Variants in ARID5B observed in about 807,000 individuals in gnomAD.
ARID5B encodes the protein AT-rich interactive domain-containing protein 5B.
ARID5B carries 13 observed loss-of-function variants against 97.2 expected under a neutral mutation model. That is an observed-to-expected ratio of 0.13 (90% confidence interval 0.09 to 0.21). ARID5B has a LOEUF of 0.21. ARID5B is among the 10% of genes least tolerant of loss of function. The pLI is 1.00. For missense variants in ARID5B, 1,210 were observed against 1,465.3 expected, an observed-to-expected ratio of 0.83 and a Z score of 2.84; for synonymous variants, 556 against 570.3, an observed-to-expected ratio of 0.97 and a Z score of 0.36.
intron 5 of ARID5B, among the ~76,000 whole-genome samples, chr10:62,055,497 G>T (rs913687408): frequency 6.6e-6 from 1 of 152,168 alleles, no homozygotes; most frequent in African/African-American, 2.4e-5. Context: ...AAACTGGAGT[G>T]ATGTTATGAT....
intron 2 of ARID5B, among the ~76,000 whole-genome samples, chr10:61,932,171 C>A (rs1589224113): frequency 1.3e-5 from 2 of 152,238 alleles, no homozygotes; most frequent in African/African-American, 4.8e-5. Flanking sequence ...TACATTTACA[C>A]CATACTGTAG....
At chr10:62,027,732 C>T (rs916608902) in intron 4 of ARID5B, among the ~76,000 whole-genome samples, 41 of 152,198 alleles carry the variant, frequency 2.7e-4, no homozygotes, top group African/African-American at 9.6e-4. Context: ...CTGTGTATGT[C>T]CTTCCCAGAA....
intron 3 of ARID5B, among the ~76,000 whole-genome samples, chr10:61,962,936 T>C (rs1447817815): frequency 6.6e-6 from 1 of 152,214 alleles, no homozygotes; most frequent in Non-Finnish European, 1.5e-5. Flanking sequence ...TGCAGTGGTT[T>C]TTAATGTTAG....
chr10:62,049,777 T>G (rs1839761185), intron 4 of ARID5B, among the ~76,000 whole-genome samples: 1 of 152,174 alleles, frequency 6.6e-6, no homozygotes, highest in African/African-American at 2.4e-5. Context: ...AGTGTAAAAA[T>G]GTCCTAAAAC....
intron 3 of ARID5B, among the ~76,000 whole-genome samples, chr10:61,982,597 A>G (rs1838791592): frequency 6.6e-6 from 1 of 152,222 alleles, no homozygotes; most frequent in African/African-American, 2.4e-5. Context: ...TGAGGGAATA[A>G]CTCATTGACA....
chr10:61,939,732 A>T (rs1844365670), intron 2 of ARID5B, among the ~76,000 whole-genome samples: 2 of 152,160 alleles, frequency 1.3e-5, no homozygotes, highest in African/African-American at 4.8e-5. Context: ...TAAACATAGG[A>T]ATTTGGGGGT....
intron 2 of ARID5B, among the ~76,000 whole-genome samples, chr10:61,919,267 C>A (rs145405177): frequency 0.017 from 2,582 of 152,072 alleles, 72 homozygotes; most frequent in African/African-American, 0.059. Flanking sequence ...TTAAATATAC[C>A]CACTATTCCT....
intron 9 of ARID5B, among the ~76,000 whole-genome samples, chr10:62,086,397 G>A (rs7914112): frequency 0.81 from 122,411 of 152,010 alleles, 49,913 homozygotes; most frequent in Middle Eastern, 0.93. Flanking sequence ...CAAGAAGAGC[G>A]TGGGCAACAT....
At chr10:61,924,002 C>T (rs1844060308) in intron 2 of ARID5B, among the ~76,000 whole-genome samples, 1 of 152,244 alleles carries the variant, frequency 6.6e-6, no homozygotes, top group Admixed American at 6.5e-5. Flanking sequence ...GAGATGACTC[C>T]TCCTGGATTC....
chr10:62,032,457 G>T (rs566492927), intron 4 of ARID5B, among the ~76,000 whole-genome samples: 1 of 152,300 alleles, frequency 6.6e-6, no homozygotes, highest in South Asian at 2.1e-4. Flanking sequence ...GGTGAGTCAC[G>T]CCTGTAATCC....
At chr10:61,927,791 TC>T (rs1260058456) in intron 2 of ARID5B, among the ~76,000 whole-genome samples, 2 of 152,232 alleles carry the variant, frequency 1.3e-5, no homozygotes, top group African/African-American at 4.8e-5. Context: ...TCTTTTGATA[TC>T]ATCATTTCAG....
chr10:61,989,284 G>C (rs923809603), intron 3 of ARID5B, among the ~76,000 whole-genome samples: 5 of 152,244 alleles, frequency 3.3e-5, no homozygotes, highest in Non-Finnish European at 7.4e-5. Context: ...TACTGGGTTA[G>C]ATAAAATAGC....
At chr10:62,046,724 C>T (rs768078308) in intron 4 of ARID5B, 2 of 151,964 alleles carry the variant, frequency 1.3e-5, no homozygotes, top group African/African-American at 2.4e-5. Flanking sequence ...ACTGATTAGG[C>T]AGAAGAGTCA....
intron 4 of ARID5B, among the ~76,000 whole-genome samples, chr10:62,046,299 C>T (rs1839707777): frequency 6.6e-6 from 1 of 152,098 alleles, no homozygotes; most frequent in Admixed American, 6.6e-5. Context: ...TTACATTTCC[C>T]TTTGTTTTAT....
At chr10:62,017,427 G>A (rs2132886850) in intron 4 of ARID5B, among the ~76,000 whole-genome samples, 1 of 151,762 alleles carries the variant, frequency 6.6e-6, no homozygotes, top group South Asian at 2.1e-4. Flanking sequence ...ACTCCAGCCT[G>A]GGCAACAGAG....
At position 62,000,327 on chromosome 10, in the gene ARID5B, T is replaced by C; in HGVS notation, c.733+6T>C. ...GAGTATATGCGATGAGTTTGGTGAGTCTTTTTTTTTTTTTCCTACCTGATT... is the reference window on the plus strand; with the variant it reads ...GAGTATATGCGATGAGTTTGGTGAGCCTTTTTTTTTTTTTCCTACCTGATT... On this transcript the variant is annotated splice_donor_region_variant and intron_variant, in intron 4 of 9. Transcript: ENST00000279873. This position sits in a 1 kb window ranked among gnomAD's most constrained non-coding sequence, Gnocchi z 4.4. 5 of 1,556,500 alleles carry C rather than the reference T, an allele frequency of 3.2e-6. No homozygotes were observed. The highest frequency in any genetic ancestry group is 3.9e-5 in the Admixed American group (2 of 51,110).
intron 3 of ARID5B, among the ~76,000 whole-genome samples, chr10:61,963,593 G>A (rs1838503381): frequency 6.6e-6 from 1 of 151,932 alleles, no homozygotes; most frequent in Admixed American, 6.6e-5. Context: ...GACCAGCTCG[G>A]CAGAGCATCC....
chr10:62,024,996 C>T (rs1250912706), intron 4 of ARID5B: 4 of 222,136 alleles, frequency 1.8e-5, no homozygotes, highest in South Asian at 1.8e-4. Flanking sequence ...AATTCGTTTT[C>T]GTAGAACATT....
intron 4 of ARID5B, among the ~76,000 whole-genome samples, chr10:62,045,322 G>A (rs1282400775): frequency 6.6e-6 from 1 of 152,124 alleles, no homozygotes; most frequent in Non-Finnish European, 1.5e-5. Flanking sequence ...TGTAATGAAA[G>A]AGGAAGTTTC....
Sources: gnomAD v4.1 joint callset for allele counts (sites outside exome capture counted in the v4.1 genomes callset) on GRCh38, gnomAD v4.1.1 for gene constraint, Gnocchi (gnomAD v3.1) non-coding constraint, MANE v1.5 for transcripts, NCBI Gene and HGNC (gene_info 2026-07-23, HGNC 2026-07-21) for gene names.